NALF1: variants seen among roughly 807,000 people sequenced by gnomAD.
NALF1 encodes NALCN channel auxiliary factor 1.
NALF1 carries 3 observed loss-of-function variants against 48.4 expected under a neutral mutation model. The ratio of observed to expected loss-of-function variants is 0.06; its 90% CI spans 0.03 to 0.16. The LOEUF (loss-of-function observed/expected upper bound fraction) is 0.16. NALF1 is among the 10% of genes least tolerant of loss of function. NALF1 has a pLI of 1.00. For synonymous variants in NALF1, 262 were observed against 245.7 expected (o/e 1.07, Z -0.62); for missense variants, 526 against 571.5 (o/e 0.92, Z 0.81).
intron 1 of NALF1, among the ~76,000 whole-genome samples, chr13:107,551,294 AT>A (rs763239482): frequency 6.6e-6 from 1 of 152,096 alleles, no homozygotes; most frequent in African/African-American, 2.4e-5. Context: ...ATTTATGCAA[AT>A]TCCCATTTAT....
intron 1 of NALF1, among the ~76,000 whole-genome samples, chr13:107,680,548 T>G (rs1254132330): frequency 2.0e-5 from 3 of 151,400 alleles, no homozygotes; most frequent in Admixed American, 6.6e-5. Context: ...TGATGGTGTG[T>G]GGTGTGTGAG....
intron 1 of NALF1, among the ~76,000 whole-genome samples, chr13:107,604,248 T>C (rs575733749): frequency 1.3e-5 from 2 of 152,344 alleles, no homozygotes; most frequent in African/African-American, 4.8e-5. Context: ...ATTGCTTTCA[T>C]GCTGTTTAGA....
intron 1 of NALF1, among the ~76,000 whole-genome samples, chr13:107,521,501 G>T (rs1203256839): frequency 6.6e-6 from 1 of 152,124 alleles, no homozygotes; most frequent in African/African-American, 2.4e-5. Context: ...ATACAAAACG[G>T]TATATTAAGT....
At chr13:107,564,217 A>G (rs1877724059) in intron 1 of NALF1, among the ~76,000 whole-genome samples, 1 of 152,240 alleles carries the variant, frequency 6.6e-6, no homozygotes, top group Non-Finnish European at 1.5e-5. Context: ...TAAATATGCA[A>G]CTGATCAATT....
intron 1 of NALF1, among the ~76,000 whole-genome samples, chr13:107,673,487 A>T (rs760212414): frequency 2.0e-4 from 31 of 152,308 alleles, no homozygotes; most frequent in Non-Finnish European, 4.4e-4. Context: ...AAGCTATGAA[A>T]AAGAATCCAT....
At chr13:107,549,250 TG>T (rs1377349417) in intron 1 of NALF1, among the ~76,000 whole-genome samples, 1 of 152,168 alleles carries the variant, frequency 6.6e-6, no homozygotes. Flanking sequence ...AGGGTGACAG[TG>T]GGACTGGCAG....
intron 1 of NALF1, among the ~76,000 whole-genome samples, chr13:107,694,390 GCTCT>G (rs555123925): frequency 1.9e-4 from 29 of 150,776 alleles, no homozygotes; most frequent in African/African-American, 4.1e-4. Flanking sequence ...ATTTGCTTCT[GCTCT>G]CTCTCTCTCT....
intron 1 of NALF1, among the ~76,000 whole-genome samples, chr13:107,493,400 T>C (rs1875213353): frequency 6.6e-6 from 1 of 152,168 alleles, no homozygotes; most frequent in South Asian, 2.1e-4. Context: ...GTGGTGGCAT[T>C]TGACTTGGAG....
intron 1 of NALF1, among the ~76,000 whole-genome samples, chr13:107,224,268 A>T (rs774900698): frequency 4.0e-4 from 61 of 151,902 alleles, no homozygotes; most frequent in Non-Finnish European, 7.7e-4. Flanking sequence ...CAAAAATCAA[A>T]TTAATAAAGC....
intron 1 of NALF1, among the ~76,000 whole-genome samples, chr13:107,800,476 A>C (rs940108872): frequency 6.6e-6 from 1 of 151,264 alleles, no homozygotes; most frequent in Admixed American, 6.6e-5. Flanking sequence ...CTAAACAACA[A>C]ATTTAATAAA....
chr13:107,315,216 A>C (rs1490091991), intron 1 of NALF1, among the ~76,000 whole-genome samples: 1 of 152,070 alleles, frequency 6.6e-6, no homozygotes, highest in Non-Finnish European at 1.5e-5. Flanking sequence ...ACAGTAATAC[A>C]TTCTTTGTTT....
At chr13:107,418,240 G>C (rs1332145617) in intron 1 of NALF1, among the ~76,000 whole-genome samples, 1 of 152,102 alleles carries the variant, frequency 6.6e-6, no homozygotes, top group African/African-American at 2.4e-5. Flanking sequence ...CTCTACAAGG[G>C]TTCCCAGCAA....
At chr13:107,751,759 G>A (rs573839845) in intron 1 of NALF1, among the ~76,000 whole-genome samples, 5 of 152,006 alleles carry the variant, frequency 3.3e-5, no homozygotes, top group African/African-American at 1.2e-4. Context: ...TTCTGTAACC[G>A]ACTGCTTACC....
intron 1 of NALF1, among the ~76,000 whole-genome samples, chr13:107,581,985 A>G (rs537229759): frequency 6.6e-6 from 1 of 152,168 alleles, no homozygotes; most frequent in South Asian, 2.1e-4. Flanking sequence ...TGACTCATTT[A>G]CTCCAGAATT....
At chr13:107,179,948 G>A (rs1312696950) in intron 2 of NALF1, among the ~76,000 whole-genome samples, 4 of 142,670 alleles carry the variant, frequency 2.8e-5, no homozygotes, top group South Asian at 5.1e-4. Flanking sequence ...CAGGCCCACC[G>A]CAATCTAGTA....
intron 1 of NALF1, among the ~76,000 whole-genome samples, chr13:107,847,232 A>G (rs1358421289): frequency 6.6e-6 from 1 of 152,208 alleles, no homozygotes; most frequent in Non-Finnish European, 1.5e-5. Flanking sequence ...ATGTTTACAA[A>G]TATTTATCAA....
chr13:107,484,383 T>A (rs2091367370), intron 1 of NALF1, among the ~76,000 whole-genome samples: 1 of 152,302 alleles, frequency 6.6e-6, no homozygotes, highest in South Asian at 2.1e-4. Context: ...ATATTAGATA[T>A]CTGAAACTGA....
intron 1 of NALF1, among the ~76,000 whole-genome samples, chr13:107,540,582 A>G (rs1482310521): frequency 6.6e-6 from 1 of 152,104 alleles, no homozygotes; most frequent in Non-Finnish European, 1.5e-5. Context: ...TGCTGGATCA[A>G]TCGAAAGCTC....
At chr13:107,306,965 A>G (rs1594113014) in intron 1 of NALF1, among the ~76,000 whole-genome samples, 1 of 152,234 alleles carries the variant, frequency 6.6e-6, no homozygotes, top group East Asian at 1.9e-4. Context: ...CTCAAAAAAA[A>G]CAAACAAAAC....
Sources: gnomAD v4.1 joint callset for allele counts (sites outside exome capture counted in the v4.1 genomes callset) on GRCh38, gnomAD v4.1.1 for gene constraint, MANE v1.5 for transcripts, NCBI Gene and HGNC (gene_info 2026-07-23, HGNC 2026-07-21) for gene names.